BICRA: variants seen among roughly 807,000 people sequenced by gnomAD.
The protein encoded by BICRA is BRD4 interacting chromatin remodeling complex associated protein, also known as BRD4-interacting chromatin-remodeling complex-associated protein.
In BICRA, 31 loss-of-function variants were observed where a neutral mutation model predicts 96.9. The ratio of observed to expected loss-of-function variants is 0.32; its 90% CI spans 0.24 to 0.43. The LOEUF (loss-of-function observed/expected upper bound fraction) is 0.43. BICRA is among the 20% of genes least tolerant of loss of function. The pLI is 1.00. For missense variants in BICRA, 2,283 were observed against 2,190.3 expected (o/e 1.04, Z -0.84); for synonymous variants, 1,350 against 1,071.8 (o/e 1.26, Z -5.07).
At chr19:47,700,803 C>CAT (rs1973428853) in intron 14 of BICRA, 1 of 156,190 alleles carries the variant, frequency 6.4e-6, no homozygotes, top group African/African-American at 2.4e-5. Flanking sequence ...AAAAAACAAA[C>CAT]AAACAAACAA....
At position 47,679,613 on chromosome 19, in the gene BICRA, G is replaced by A. The variant is rs1298645996; in HGVS notation, c.443G>A (p.Gly148Glu). The A allele has an allele frequency of 4.0e-5, 61 of 1,521,998 alleles. No individual in the cohort carries two copies. The highest frequency in any genetic ancestry group is 5.1e-5 in the Non-Finnish European group (58 of 1,134,594). 94.3% of individuals were successfully genotyped at this position (1,521,998 alleles called of 1,614,324 possible). Residue 148 changes from glycine (G) to glutamate (E), a missense_variant, in exon 6 of 15, where the codon GGG becomes GAG. Gly to Glu is a moderately conservative substitution (Grantham distance 98, BLOSUM62 -2). Transcript: ENST00000594866. ...GGGGCAGGCCCGACGGGCGCTGGAG[G>A]GGCAGCGGCCGTGGCTGCGGGGCCC... is the stretch of plus-strand genomic sequence containing the variant. The part of the protein sequence containing the change: ...DGGAGPTGAG[G>E]AAAVAAGPQA...
At chr19:47,667,307 G>A (rs1599835749) in intron 1 of BICRA, among the ~76,000 whole-genome samples, 1 of 152,184 alleles carries the variant, frequency 6.6e-6, no homozygotes, top group Admixed American at 6.5e-5. Flanking sequence ...GAGCCACAGC[G>A]CCTGGCCCTA....
Position 47,695,349 on chromosome 19 carries a change from CCCCA to C in BICRA, c.3077-8_3077-5del. ...GTGACCGCAGGCCCTGTCTCCCCCA[CCCCA>C]CCCACCCCCAGGCCTCCCTCCTCTG... On this transcript the variant is annotated splice_polypyrimidine_tract_variant and intron_variant, in intron 9 of 14. Transcript: ENST00000594866. 1 of 584,614 alleles carries C rather than the reference CCCCA, an allele frequency of 1.7e-6. No homozygotes were observed. Among genetic ancestry groups the C allele is most frequent in the Non-Finnish European group, 3.1e-6 (1 of 323,802 alleles). The allele number at this position is 584,614 out of a possible 1,614,324, so 36.2% of individuals were successfully genotyped here.
At position 47,694,382 on chromosome 19, in the gene BICRA, GC is replaced by G; in HGVS notation, c.2555del (p.Pro852LeufsTer95). On this transcript the variant is annotated frameshift_variant, in exon 8 of 15. Transcript: ENST00000594866. LOFTEE classifies it high-confidence loss of function. ...CGTTCCCCCGCCTGCCAGCAACCCG[GC>G]CCCTACTGCCCCAGGCCCGCCGCAG... is the stretch of plus-strand genomic sequence containing the variant. ...LGVPPPASNP[A>X]PTAPGPPQPP... 1 of 1,143,880 alleles carries G rather than the reference GC, an allele frequency of 8.7e-7. No homozygotes were observed. 70.9% of individuals were successfully genotyped at this position (1,143,880 alleles called of 1,614,324 possible).
At chr19:47,677,684 G>A (rs1311561447) in intron 5 of BICRA, among the ~76,000 whole-genome samples, 2 of 152,078 alleles carry the variant, frequency 1.3e-5, no homozygotes, top group Admixed American at 6.6e-5. Flanking sequence ...AACAAGAGTG[G>A]AAACTCCGTC....
At chr19:47,685,786 T>TGTGTGTGTGTGTGCGCGC in intron 7 of BICRA, among the ~76,000 whole-genome samples, 18 of 117,968 alleles carry the variant, frequency 1.5e-4, no homozygotes, top group African/African-American at 5.4e-4. Context: ...TGTGTGTGTG[T>TGTGTGTGTGTGTGCGCGC]GCGCGCGCGC....
At chr19:47,673,959 CAAAG>C (rs1285232136) in intron 4 of BICRA, among the ~76,000 whole-genome samples, 197 bp downstream of exon 4, 4 of 152,036 alleles carry the variant, frequency 2.6e-5, no homozygotes, top group Non-Finnish European at 4.4e-5. Context: ...CCTTGGGAAA[CAAAG>C]AAACCAGTCA....
At chr19:47,683,673 C>G (rs956203928) in intron 7 of BICRA, among the ~76,000 whole-genome samples, 2 of 152,026 alleles carry the variant, frequency 1.3e-5, no homozygotes, top group African/African-American at 2.4e-5. Context: ...CAAGCTCCGC[C>G]TCTCGGGTTC....
intron 1 of BICRA, among the ~76,000 whole-genome samples, chr19:47,633,687 A>G (rs10407603): frequency 0.34 from 51,494 of 152,042 alleles, 9,071 homozygotes; most frequent in East Asian, 0.53. Context: ...TTTAGGGAGC[A>G]AAGTCTCTTC....
rs1372909862 is a variant in BICRA at position 47,698,603 on chromosome 19, C to A, written c.3249-31C>A. ...CTCACCCGTCCCCCCCACCCTCCGC[C>A]GTGTGTGGTCTCTCCCCTTTCCACC... On this transcript the variant is annotated intron_variant, in intron 11 of 14. Transcript: ENST00000594866. This position sits in a 1 kb window ranked among gnomAD's most constrained non-coding sequence, Gnocchi z 4.8. 1 of 1,103,466 alleles carries A rather than the reference C, an allele frequency of 9.1e-7. No homozygotes were observed. Among genetic ancestry groups the A allele is most frequent in the South Asian group, 1.3e-5 (1 of 78,124 alleles). The allele number at this position is 1,103,466 out of a possible 1,614,324, so 68.4% of individuals were successfully genotyped here. A position where few individuals can be genotyped will look rare whatever the true frequency, so the allele number is the denominator to read the frequency against.
chr19:47,611,140 C>A (rs980747414), intron 1 of BICRA, among the ~76,000 whole-genome samples: 4 of 152,148 alleles, frequency 2.6e-5, no homozygotes, highest in Admixed American at 2.6e-4. Flanking sequence ...AATTTGTAAC[C>A]TCCTGGAGTT....
At chr19:47,687,907 A>C (rs971426377) in intron 7 of BICRA, among the ~76,000 whole-genome samples, 1 of 151,814 alleles carries the variant, frequency 6.6e-6, no homozygotes, top group Admixed American at 6.6e-5. Flanking sequence ...TAGAATTGCC[A>C]GACGTAGATG....
chr19:47,678,810 C>G (rs1324636618), intron 5 of BICRA, among the ~76,000 whole-genome samples: 1 of 151,880 alleles, frequency 6.6e-6, no homozygotes, highest in Non-Finnish European at 1.5e-5. Flanking sequence ...CTAGGTTACA[C>G]AGCTAAGCCT....
chr19:47,634,623 A>C, intron 1 of BICRA, among the ~76,000 whole-genome samples: 1 of 152,172 alleles, frequency 6.6e-6, no homozygotes, highest in East Asian at 1.9e-4. Flanking sequence ...CATAAAAACC[A>C]AAACAAACAA....
chr19:47,670,079 G>GT lies in BICRA; in HGVS notation c.-107-363dup, dbSNP rs1972841519. On this transcript the variant is annotated intron_variant, in intron 1 of 14. Transcript: ENST00000594866. Reference sequence around the variant, plus strand: ...CGATTCTCCTGCCTCAGCCTCTCAAGTAACTGGAACTACAGGCAAGCGACC... The same window carrying GT: ...CGATTCTCCTGCCTCAGCCTCTCAAGTTAACTGGAACTACAGGCAAGCGACC... Among the ~76,000 whole-genome samples the GT allele has an allele frequency of 1.3e-5, 2 of 151,988 alleles. 1 individual carries two copies. Among genetic ancestry groups the GT allele is most frequent in the East Asian group, 3.9e-4 (2 of 5,186 alleles).
At chr19:47,695,507 G>A in intron 10 of BICRA, 33 bp downstream of exon 10, 1 of 1,020,882 alleles carries the variant, frequency 9.8e-7, no homozygotes, top group African/African-American at 1.6e-5. Flanking sequence ...GTCAGGACAG[G>A]ACCAGGAGTC....
chr19:47,682,903 C>T (rs1481180336), intron 7 of BICRA, among the ~76,000 whole-genome samples: 2 of 152,022 alleles, frequency 1.3e-5, no homozygotes, highest in Admixed American at 6.6e-5. Context: ...AACTCCAGAC[C>T]TCAAGTGATC....
chr19:47,670,256 TTG>T (rs1156529786), intron 1 of BICRA, among the ~76,000 whole-genome samples, 185 bp from the exon 2 acceptor site: 1 of 152,146 alleles, frequency 6.6e-6, no homozygotes, highest in African/African-American at 2.4e-5. Flanking sequence ...GCCAGCCATT[TTG>T]TGTGATTCTA....
At chr19:47,646,597 T>G (rs1256556828) in intron 1 of BICRA, among the ~76,000 whole-genome samples, 1 of 152,162 alleles carries the variant, frequency 6.6e-6, no homozygotes, top group Admixed American at 6.5e-5. Context: ...GTCACGCACT[T>G]CACCCGTATT....
Sources: allele counts gnomAD v4.1 joint callset (sites outside exome capture counted in the v4.1 genomes callset), GRCh38; gene constraint gnomAD v4.1.1; non-coding constraint Gnocchi (gnomAD v3.1); transcripts MANE v1.5; gene names NCBI Gene and HGNC (gene_info 2026-07-23, HGNC 2026-07-21).